PTPN13: variants seen among roughly 807,000 people sequenced by gnomAD.
PTPN13 encodes protein tyrosine phosphatase non-receptor type 13, also known as tyrosine-protein phosphatase non-receptor type 13.
PTPN13 carries 191 observed loss-of-function variants against 284.0 expected under a neutral mutation model. That is an observed-to-expected ratio of 0.67 (90% CI 0.60 to 0.76). PTPN13 has a LOEUF of 0.76. Among genes scored for constraint, PTPN13 ranks in the 30% least tolerant of loss-of-function variants. PTPN13 has a pLI of 0.00. For synonymous variants in PTPN13, 986 were observed against 1,022.3 expected (o/e 0.96, Z 0.68); for missense variants, 2,797 against 2,939.9 (o/e 0.95, Z 1.12).
chr4:86,809,682 C>T (rs1192314924), intron 45 of PTPN13, 87 bp from the exon 46 acceptor site: 1 of 1,256,920 alleles, frequency 8.0e-7, no homozygotes, highest in East Asian at 2.3e-5. Flanking sequence ...CAGAACGAGA[C>T]CCTATCTCAA....
rs767145895 is a variant in PTPN13 at position 86,686,765 on chromosome 4, C to G, written c.350C>G (p.Pro117Arg). 1.9e-6 allele frequency: 3 copies of G among 1,577,474 alleles called. No individual in the cohort carries two copies. The highest frequency in any genetic ancestry group is 2.3e-5 in the South Asian group (2 of 85,136). Residue 117 changes from proline (P) to arginine (R), a missense_variant, in exon 4 of 48, where the codon CCT (proline) becomes CGT (arginine). By Grantham distance (103) the Pro-to-Arg change is moderately radical. Coordinates refer to ENST00000411767, the MANE Select transcript of PTPN13 (RefSeq NM_080683.3). Reference protein sequence around the residue: ...TLYWGADYEVPQSQPIKLGDH... With the variant: ...TLYWGADYEVRQSQPIKLGDH... ...TATTGGGGGGCTGATTATGAAGTGC[C>G]TCAGAGCCAAGTAAGTTAAGTTTTT...
chr4:86,665,975 G>C (rs1727026742), intron 2 of PTPN13, among the ~76,000 whole-genome samples: 1 of 152,096 alleles, frequency 6.6e-6, no homozygotes, highest in Non-Finnish European at 1.5e-5. Flanking sequence ...TGTATGCCAG[G>C]AACCGTTCTA....
At chr4:86,806,123 C>T (rs746487941) in intron 44 of PTPN13, among the ~76,000 whole-genome samples, 30 of 150,412 alleles carry the variant, frequency 2.0e-4, no homozygotes, top group Non-Finnish European at 3.5e-4. Context: ...TGCCACTGCA[C>T]TCCAGCCTGG....
chr4:86,741,504 C>T, intron 15 of PTPN13, 130 bp from the exon 16 acceptor site: 1 of 764,428 alleles, frequency 1.3e-6, no homozygotes, highest in Non-Finnish European at 2.1e-6. Context: ...CAGTGGGTCT[C>T]TCCCATAACA....
intron 32 of PTPN13, among the ~76,000 whole-genome samples, 169 bp from the exon 33 acceptor site, chr4:86,774,204 A>ATCAGACAGACTGTCTAGAG (rs1565543871): frequency 2.0e-5 from 3 of 152,178 alleles, no homozygotes; most frequent in African/African-American, 4.8e-5. Flanking sequence ...TCTGTCTAGA[A>ATCAGACAGACTGTCTAGAG]TCAGACAGAC....
rs980605946 is a variant in PTPN13 at position 86,689,980 on chromosome 4, C to G, written c.546+790C>G. On this transcript the variant is annotated intron_variant, in intron 5 of 47. Coordinates refer to ENST00000411767, the MANE Select transcript of PTPN13 (RefSeq NM_080683.3). ...GTTCTTGTTGACTTCCTCAGAATTC[C>G]TCATCGGTAGGGGTTTAGTTCCCAT... 3 of 395,278 alleles carry G rather than the reference C, an allele frequency of 7.6e-6. No homozygotes were observed. In the South Asian group the frequency reaches 2.2e-4, roughly 29 times the overall value. The allele number at this position is 395,278 out of a possible 1,614,324, so 24.5% of individuals were successfully genotyped here.
chr4:86,766,361 C>T (rs896032734), intron 26 of PTPN13, 71 bp from the exon 27 acceptor site: 70 of 1,238,238 alleles, frequency 5.7e-5, no homozygotes, highest in Admixed American at 1.3e-4. Context: ...CAAATGAATA[C>T]GAAATAAGAC....
At chr4:86,659,910 A>G (rs1726282628) in intron 2 of PTPN13, among the ~76,000 whole-genome samples, 1 of 152,214 alleles carries the variant, frequency 6.6e-6, no homozygotes, top group Non-Finnish European at 1.5e-5. Context: ...ATGTACAGAT[A>G]GAATTTGATG....
chr4:86,779,290 G>A (rs142955556), intron 35 of PTPN13, among the ~76,000 whole-genome samples: 2,364 of 151,994 alleles, frequency 0.016, 56 homozygotes, highest in African/African-American at 0.053. Context: ...GGTGGCGGGC[G>A]CCTGTAGTCC....
intron 11 of PTPN13, 46 bp downstream of exon 11, chr4:86,732,520 G>C (rs779643851): frequency 6.3e-7 from 1 of 1,592,708 alleles, no homozygotes; most frequent in Non-Finnish European, 8.6e-7. Flanking sequence ...AATAATTTCA[G>C]TAGTGTTAAA....
chr4:86,631,412 A>G (rs573604639), intron 1 of PTPN13, among the ~76,000 whole-genome samples: 3 of 152,278 alleles, frequency 2.0e-5, no homozygotes, highest in African/African-American at 4.8e-5. Flanking sequence ...CTAGTAGGCA[A>G]TTTATAAGCT....
chr4:86,693,360 A>C (rs1578427801), intron 5 of PTPN13, among the ~76,000 whole-genome samples: 1 of 152,146 alleles, frequency 6.6e-6, no homozygotes, highest in Non-Finnish European at 1.5e-5. Flanking sequence ...CTCTTCAGTC[A>C]CTGCTTCTTC....
chr4:86,707,525 C>T (rs1236422604), intron 7 of PTPN13, among the ~76,000 whole-genome samples: 1 of 152,102 alleles, frequency 6.6e-6, no homozygotes, highest in Non-Finnish European at 1.5e-5. Context: ...TAAAAGTTTA[C>T]ATTCTTACAG....
intron 38 of PTPN13, among the ~76,000 whole-genome samples, chr4:86,784,984 C>A (rs1741735871): frequency 6.6e-6 from 1 of 152,028 alleles, no homozygotes; most frequent in South Asian, 2.1e-4. Flanking sequence ...AGCCGTATCA[C>A]CAACATTGAT....
chr4:86,608,729 C>T (rs185150880), intron 1 of PTPN13, among the ~76,000 whole-genome samples: 1 of 152,142 alleles, frequency 6.6e-6, no homozygotes, highest in Non-Finnish European at 1.5e-5. Context: ...AAACACTATG[C>T]ACTAGGTATT....
chr4:86,628,278 A>G (rs1390791427), intron 1 of PTPN13, among the ~76,000 whole-genome samples: 3 of 152,104 alleles, frequency 2.0e-5, no homozygotes, highest in South Asian at 2.1e-4. Flanking sequence ...CCTCATAGCT[A>G]TGTAGTCATA....
chr4:86,604,597 A>G (rs912747886), intron 1 of PTPN13, among the ~76,000 whole-genome samples: 1 of 152,042 alleles, frequency 6.6e-6, no homozygotes, highest in African/African-American at 2.4e-5. Context: ...TTTAAAGGAA[A>G]CAAAATAGGT....
chr4:86,713,388 TATTC>T (rs1328855545), intron 7 of PTPN13, among the ~76,000 whole-genome samples: 2 of 152,152 alleles, frequency 1.3e-5, no homozygotes, highest in Non-Finnish European at 2.9e-5. Context: ...TAATGTACTG[TATTC>T]ATTCAATTTA....
chr4:86,704,434 C>CA (rs1355743387), intron 7 of PTPN13, among the ~76,000 whole-genome samples: 3 of 151,998 alleles, frequency 2.0e-5, no homozygotes, highest in Non-Finnish European at 4.4e-5. Flanking sequence ...TTACCAATAA[C>CA]AAAATATATT....
Sources: allele counts gnomAD v4.1 joint callset (sites outside exome capture counted in the v4.1 genomes callset), GRCh38; gene constraint gnomAD v4.1.1; transcripts MANE v1.5; gene names NCBI Gene and HGNC (gene_info 2026-07-23, HGNC 2026-07-21).